Variants in SAFB observed in about 807,000 individuals in gnomAD.
SAFB encodes scaffold attachment factor B.
Under a neutral mutation model 101.6 loss-of-function variants are expected in SAFB, and 15 were observed. That is an observed-to-expected ratio of 0.15 (90% confidence interval 0.10 to 0.23). The LOEUF (loss-of-function observed/expected upper bound fraction) is 0.23, where lower values mean the gene tolerates loss of function less well. Among genes scored for constraint, SAFB ranks in the 10% least tolerant of loss-of-function variants. The probability of loss-of-function intolerance (pLI) is 1.00; values close to 1 mark genes in which losing one functional copy is unlikely to be tolerated. For synonymous variants in SAFB, 449 were observed against 407.5 expected (o/e 1.10, Z -1.23); for missense variants, 930 against 1,104.1 (o/e 0.84, Z 2.23).
intron 13 of SAFB, among the ~76,000 whole-genome samples, chr19:5,654,951 C>T (rs1205144641): frequency 6.6e-6 from 1 of 152,234 alleles, no homozygotes. Flanking sequence ...CTAAAGCTAA[C>T]TTTAAAATTT....
In SAFB at chr19:5,667,475, C is replaced by T; in HGVS notation, c.2557+25C>T. The T allele has an allele frequency of 6.9e-7, 1 of 1,454,456 alleles. No individual in the cohort carries two copies. Among genetic ancestry groups the T allele is most frequent in the Non-Finnish European group, 9.3e-7 (1 of 1,080,762 alleles). 90.1% of individuals were successfully genotyped at this position (1,454,456 alleles called of 1,614,324 possible). A position where few individuals can be genotyped will look rare whatever the true frequency, so the allele number is the denominator to read the frequency against. On this transcript the variant is annotated intron_variant, in intron 19 of 20. Coordinates refer to ENST00000588852, the MANE Select transcript of SAFB (RefSeq NM_001201338.2). This position sits in a 1 kb window ranked among gnomAD's most constrained non-coding sequence, Gnocchi z 4.0. ...GGTGAGGAGCAGCTCTGGGCTGGGA[C>T]CAGGATGTGCTGGGGAGTGATGGAA...
chr19:5,652,389 T>G (rs1017681710), intron 9 of SAFB, among the ~76,000 whole-genome samples: 1 of 152,084 alleles, frequency 6.6e-6, no homozygotes, highest in Non-Finnish European at 1.5e-5. Flanking sequence ...CCCTGGAGAC[T>G]GTAGTGTCTT....
Position 5,623,493 on chromosome 19 carries a change from C to G in SAFB, c.189+99C>G, listed in dbSNP as rs904999367. Reference sequence around the variant, plus strand: ...CCTGGCGTCCGCCCCCGGCCGCGTTCGCGGCCTCGCCGGACCTGGCGCTCT... The same window carrying G: ...CCTGGCGTCCGCCCCCGGCCGCGTTGGCGGCCTCGCCGGACCTGGCGCTCT... On this transcript the variant is annotated intron_variant, in intron 1 of 20. Transcript: ENST00000588852. 8 of 1,042,180 alleles carry G rather than the reference C, an allele frequency of 7.7e-6. No homozygotes were observed. The African/African-American group carries it at 1.0e-4, about 13-fold the overall frequency. 64.6% of individuals were successfully genotyped at this position (1,042,180 alleles called of 1,614,324 possible). A position where few individuals can be genotyped will look rare whatever the true frequency, so the allele number is the denominator to read the frequency against.
intron 4 of SAFB, among the ~76,000 whole-genome samples, chr19:5,644,531 G>A (rs2053786858): frequency 6.6e-6 from 1 of 152,224 alleles, no homozygotes; most frequent in Admixed American, 6.5e-5. Flanking sequence ...GAAGAAAGGA[G>A]TAGTGGAGAG....
rs1296283022 is a variant in SAFB at position 5,623,924 on chromosome 19, C to G, written c.189+530C>G. Reference sequence around the variant, plus strand: ...AAAGGAAACACCCGTAGGACATACTCAAAGGGAAAAATAGAAAAAAACCCA... The same window carrying G: ...AAAGGAAACACCCGTAGGACATACTGAAAGGGAAAAATAGAAAAAAACCCA... On this transcript the variant is annotated intron_variant, in intron 1 of 20. Transcript: ENST00000588852. The G allele has an allele frequency of 2.0e-5, 3 of 152,346 alleles. No individual in the cohort carries two copies. The South Asian group carries it at 6.1e-4, about 31-fold the overall frequency. 9.4% of individuals were successfully genotyped at this position (152,346 alleles called of 1,614,324 possible).
intron 12 of SAFB, 73 bp downstream of exon 12, chr19:5,654,273 T>A: frequency 6.2e-7 from 1 of 1,601,432 alleles, no homozygotes; most frequent in Non-Finnish European, 8.6e-7. Flanking sequence ...TTGCTGTGAT[T>A]AGCTGGCAAC....
chr19:5,644,497 T>C (rs1424567632), intron 4 of SAFB, among the ~76,000 whole-genome samples: 2 of 152,224 alleles, frequency 1.3e-5, no homozygotes, highest in Non-Finnish European at 2.9e-5. Context: ...GTGTGTAGCA[T>C]ATGCGATGAC....
chr19:5,646,847 G>A (rs1316545820), intron 5 of SAFB, among the ~76,000 whole-genome samples: 2 of 152,222 alleles, frequency 1.3e-5, no homozygotes, highest in Non-Finnish European at 1.5e-5. Flanking sequence ...GGCCTGGCCT[G>A]ATGGTTAACA....
rs532955336 is a variant in SAFB, at chr19:5,646,926, T to C, written c.610-1090T>C. ...TCTGCTTCCCACCTGCTGTGTGTCC[T>C]TGGGCAAGTTACTCAGTCTGTCTGG... On this transcript the variant is annotated intron_variant, in intron 5 of 20. Transcript: ENST00000588852. Among the ~76,000 whole-genome samples the C allele has an allele frequency of 1.2e-4, 18 of 152,342 alleles. No homozygotes were observed. In the East Asian group the frequency reaches 3.1e-3, roughly 26 times the overall value.
chr19:5,640,181 T>A (rs2053676276), intron 2 of SAFB, among the ~76,000 whole-genome samples: 2 of 152,098 alleles, frequency 1.3e-5, no homozygotes, highest in Admixed American at 1.3e-4. Flanking sequence ...TAGTGGGGTG[T>A]AAATCAGAAA....
chr19:5,661,883 A>C, intron 15 of SAFB, 75 bp downstream of exon 15: 1 of 984,100 alleles, frequency 1.0e-6, no homozygotes, highest in Non-Finnish European at 1.4e-6. Context: ...AGTTAGCTTG[A>C]GATTTTTTTT....
chr19:5,647,332 G>A (rs542405625), intron 5 of SAFB, among the ~76,000 whole-genome samples: 15 of 152,188 alleles, frequency 9.9e-5, no homozygotes, highest in Admixed American at 3.3e-4. Flanking sequence ...TTGGCTGAAG[G>A]CTGAAGGCCA....
At position 5,664,451 on chromosome 19, in the gene SAFB, G is replaced by A. The variant is rs1255163977; in HGVS notation, c.2334+12G>A. 4.4e-6 allele frequency: 7 copies of A among 1,608,262 alleles called. No homozygotes were observed. The highest frequency in any genetic ancestry group is 6.0e-6 in the Non-Finnish European group (7 of 1,174,646). On this transcript the variant is annotated intron_variant, in intron 17 of 20. Transcript: ENST00000588852. ...AACGAGAAGGACAGGTAAGTCTGAA[G>A]CTACAGTGGTAGCCACAGAATTTCC...
intron 15 of SAFB, among the ~76,000 whole-genome samples, chr19:5,663,655 G>A (rs893694941): frequency 7.2e-5 from 11 of 152,170 alleles, no homozygotes; most frequent in Admixed American, 2.0e-4. Flanking sequence ...GCTTTGGGGC[G>A]AGAGAGATGG....
At position 5,649,564 on chromosome 19, in the gene SAFB, A is replaced by C. The variant is rs2053891100; in HGVS notation, c.1148+65A>C. On this transcript the variant is annotated intron_variant, in intron 7 of 20. Coordinates refer to ENST00000588852, the MANE Select transcript of SAFB (RefSeq NM_001201338.2). Reference sequence around the variant, plus strand: ...TTTCATTGGTCATGTAATGACACACATAAGCTGTTTTTTTCTGCAATTGGC... The same window carrying C: ...TTTCATTGGTCATGTAATGACACACCTAAGCTGTTTTTTTCTGCAATTGGC... 3.3e-5 allele frequency: 12 copies of C among 361,946 alleles called. No homozygotes were observed. The South Asian group carries it at 3.4e-4, about 10-fold the overall frequency. 22.4% of individuals were successfully genotyped at this position (361,946 alleles called of 1,614,324 possible).
intron 2 of SAFB, among the ~76,000 whole-genome samples, chr19:5,640,198 G>T (rs1447175735): frequency 6.6e-6 from 1 of 152,066 alleles, no homozygotes; most frequent in Non-Finnish European, 1.5e-5. Context: ...GAAATTTTTA[G>T]AAAAGTACAG....
intron 14 of SAFB, among the ~76,000 whole-genome samples, chr19:5,659,572 G>A (rs999003581): frequency 2.0e-5 from 3 of 151,896 alleles, no homozygotes; most frequent in Non-Finnish European, 4.4e-5. Context: ...TAGTAGAGAC[G>A]GGGTTTCACC....
intron 2 of SAFB, among the ~76,000 whole-genome samples, chr19:5,631,058 C>T (rs113989919): frequency 6.6e-5 from 10 of 152,016 alleles, no homozygotes; most frequent in Non-Finnish European, 1.2e-4. Context: ...GGCATGGTGG[C>T]GGATGCCTGT....
chr19:5,668,116 G>T, intron 20 of SAFB, 46 bp from the exon 21 acceptor site: 1 of 1,593,000 alleles, frequency 6.3e-7, no homozygotes. Flanking sequence ...GATGGGCCGG[G>T]GAGCAGGAGG....
Sources: gnomAD v4.1 joint callset for allele counts (sites outside exome capture counted in the v4.1 genomes callset) on GRCh38, gnomAD v4.1.1 for gene constraint, Gnocchi (gnomAD v3.1) non-coding constraint, MANE v1.5 for transcripts, NCBI Gene and HGNC (gene_info 2026-07-23, HGNC 2026-07-21) for gene names.